SUMF1: variants seen among roughly 807,000 people sequenced by gnomAD.
The protein encoded by SUMF1 is sulfatase modifying factor 1.
A neutral mutation model predicts 47.6 loss-of-function variants in SUMF1; 48 were observed. The observed-to-expected ratio is 1.01, with a 90% CI of 0.80 to 1.28. The LOEUF is 1.28. SUMF1 is among the 50% of genes most tolerant of loss of function. The pLI, the probability that SUMF1 is intolerant of heterozygous loss-of-function variation, is 0.00. For missense variants in SUMF1, 571 were observed against 485.4 expected, an observed-to-expected ratio of 1.18 and a Z score of -1.66; for synonymous variants, 230 against 192.1, an observed-to-expected ratio of 1.20 and a Z score of -1.63.
At chr3:4,128,363 C>T (rs569449438) in intron 8 of SUMF1, among the ~76,000 whole-genome samples, 34 of 152,214 alleles carry the variant, frequency 2.2e-4, no homozygotes, top group African/African-American at 7.5e-4. Flanking sequence ...CAGGGGACAC[C>T]GAGTTTGTAA....
At chr3:4,208,650 T>C (rs541869362) in intron 8 of SUMF1, among the ~76,000 whole-genome samples, 1 of 151,824 alleles carries the variant, frequency 6.6e-6, no homozygotes, top group East Asian at 1.9e-4. Flanking sequence ...CCAAAAGACA[T>C]GCCAGACATC....
chr3:4,242,663 G>C (rs1696567263), intron 8 of SUMF1, among the ~76,000 whole-genome samples: 1 of 152,160 alleles, frequency 6.6e-6, no homozygotes, highest in Non-Finnish European at 1.5e-5. Context: ...TGTGCTGCTG[G>C]ATTCAGTTTG....
chr3:4,315,595 G>C (rs1049593843), intron 8 of SUMF1, among the ~76,000 whole-genome samples: 1 of 152,040 alleles, frequency 6.6e-6, no homozygotes, highest in Non-Finnish European at 1.5e-5. Context: ...TTTATTCCAA[G>C]TCTTTTCTAA....
chr3:4,184,861 G>C (rs923835505), intron 8 of SUMF1, among the ~76,000 whole-genome samples: 3 of 151,974 alleles, frequency 2.0e-5, no homozygotes, highest in African/African-American at 7.3e-5. Context: ...TGTTGGCCAG[G>C]CTGGTCTGGA....
At chr3:4,292,187 A>G (rs1697754425) in intron 8 of SUMF1, among the ~76,000 whole-genome samples, 1 of 152,240 alleles carries the variant, frequency 6.6e-6, no homozygotes. Context: ...GAAAAAAATT[A>G]AAAGTATTGG....
chr3:4,196,532 C>T (rs1219627810), intron 8 of SUMF1, among the ~76,000 whole-genome samples: 1 of 152,114 alleles, frequency 6.6e-6, no homozygotes, highest in Non-Finnish European at 1.5e-5. Flanking sequence ...AGCCCTGGCA[C>T]CTCCATTCAG....
At chr3:4,423,467 G>A (rs1051239311) in intron 3 of SUMF1, among the ~76,000 whole-genome samples, 4 of 152,062 alleles carry the variant, frequency 2.6e-5, no homozygotes, top group African/African-American at 7.3e-5. Flanking sequence ...TGACCTCTCA[G>A]CCCATACTCT....
intron 8 of SUMF1, among the ~76,000 whole-genome samples, chr3:4,355,453 G>C (rs1006484396): frequency 1.7e-4 from 26 of 152,170 alleles, no homozygotes; most frequent in African/African-American, 6.3e-4. Flanking sequence ...TTTGGCAAAG[G>C]TGTAGAGCAG....
chr3:4,267,468 C>G (rs1198577852), intron 8 of SUMF1, among the ~76,000 whole-genome samples: 4 of 152,008 alleles, frequency 2.6e-5, no homozygotes, highest in Non-Finnish European at 5.9e-5. Flanking sequence ...GTGTATGTGT[C>G]GAGGAATTTA....
At chr3:4,466,389 CAT>C (rs1356160300) in intron 1 of SUMF1, among the ~76,000 whole-genome samples, 1 of 150,922 alleles carries the variant, frequency 6.6e-6, no homozygotes, top group Non-Finnish European at 1.5e-5. Flanking sequence ...GGATTACAGG[CAT>C]GTGAGCCACC....
At chr3:4,104,744 T>A (rs1693119346) in intron 8 of SUMF1, among the ~76,000 whole-genome samples, 1 of 151,958 alleles carries the variant, frequency 6.6e-6, no homozygotes, top group African/African-American at 2.4e-5. Context: ...AATGTAATAA[T>A]TTTTTTCCTT....
At chr3:4,371,444 G>A (rs1700164036) in intron 8 of SUMF1, among the ~76,000 whole-genome samples, 1 of 152,230 alleles carries the variant, frequency 6.6e-6, no homozygotes. Flanking sequence ...GTTTTTATGA[G>A]AGGGAGACTT....
intron 8 of SUMF1, among the ~76,000 whole-genome samples, chr3:4,158,269 T>A (rs1694498764): frequency 6.6e-6 from 1 of 151,714 alleles, no homozygotes; most frequent in African/African-American, 2.4e-5. Context: ...GTTCCTCTTG[T>A]TATTGACTTC....
rs999745824 is a variant in SUMF1 at position 4,350,966 on chromosome 3, A to G, written c.1014+25364T>C. On this transcript the variant is annotated intron_variant and NMD_transcript_variant, in intron 8 of 12. Transcript: ENST00000448413. ...AAAGAAAAAAAAAAATCAAACCAAT[A>G]CAACAAACCCAAACTGGCCACTAGA... is the stretch of plus-strand genomic sequence containing the variant. Among the ~76,000 whole-genome samples the G allele has an allele frequency of 2.6e-5, 4 of 152,166 alleles. No individual in the cohort carries two copies. In the East Asian group the frequency reaches 7.7e-4, roughly 29 times the overall value.
chr3:4,280,893 T>A (rs1697516405), intron 8 of SUMF1, among the ~76,000 whole-genome samples: 1 of 151,114 alleles, frequency 6.6e-6, no homozygotes, highest in Non-Finnish European at 1.5e-5. Flanking sequence ...AACTTCTTTT[T>A]TTGATAAGGG....
intron 3 of SUMF1, among the ~76,000 whole-genome samples, chr3:4,436,309 A>C (rs1702395689): frequency 6.6e-6 from 1 of 152,230 alleles, no homozygotes; most frequent in South Asian, 2.1e-4. Context: ...TTAACACTAT[A>C]ATGTCAGTTG....
chr3:4,195,898 A>G (rs1030026016), intron 8 of SUMF1, among the ~76,000 whole-genome samples: 19 of 152,248 alleles, frequency 1.2e-4, no homozygotes, highest in African/African-American at 4.1e-4. Context: ...GCTTCAAAAC[A>G]TGCTTGTCAT....
At chr3:4,144,706 C>G (rs1694153717) in intron 8 of SUMF1, among the ~76,000 whole-genome samples, 1 of 152,136 alleles carries the variant, frequency 6.6e-6, no homozygotes, top group Non-Finnish European at 1.5e-5. Flanking sequence ...AATGATTACC[C>G]TACTCTATGT....
chr3:4,206,809 CTTT>C (rs900519952), intron 8 of SUMF1, among the ~76,000 whole-genome samples: 10 of 149,064 alleles, frequency 6.7e-5, no homozygotes, highest in Non-Finnish European at 1.2e-4. Flanking sequence ...CTCCCCCATT[CTTT>C]TTTTTTTAAA....
Sources: gnomAD v4.1 joint callset for allele counts (sites outside exome capture counted in the v4.1 genomes callset) on GRCh38, gnomAD v4.1.1 for gene constraint, MANE v1.5 for transcripts, NCBI Gene and HGNC (gene_info 2026-07-23, HGNC 2026-07-21) for gene names.